SLC44A1: variants seen among roughly 807,000 people sequenced by gnomAD.
SLC44A1 encodes choline transporter-like protein 1.
Under a neutral mutation model 79.3 loss-of-function variants are expected in SLC44A1, and 26 were observed. That is an observed-to-expected ratio of 0.33 (90% CI 0.24 to 0.46). SLC44A1 has a LOEUF of 0.46. Among genes scored for constraint, SLC44A1 ranks in the 20% least tolerant of loss-of-function variants. The pLI is 1.00. For missense variants in SLC44A1, 688 were observed against 798.1 expected, an observed-to-expected ratio of 0.86 and a Z score of 1.66; for synonymous variants, 263 against 286.2, an observed-to-expected ratio of 0.92 and a Z score of 0.82.
chr9:105,392,752 G>A lies in SLC44A1; in HGVS notation c.*3696G>A. 1 of 985,284 alleles carries A rather than the reference G, an allele frequency of 1.0e-6. No individual in the cohort carries two copies. Among genetic ancestry groups the A allele is most frequent in the Non-Finnish European group, 1.2e-6 (1 of 829,878 alleles). 61.0% of individuals were successfully genotyped at this position (985,284 alleles called of 1,614,324 possible). A position where few individuals can be genotyped will look rare whatever the true frequency, so the allele number is the denominator to read the frequency against. On this transcript the variant is annotated 3_prime_UTR_variant, in exon 16 of 16. Transcript: ENST00000374720. ...TTTAAGAGATCTCCTAGCCTGCAAGGTAGAATTCTGGGATCAGTTCCAAAA... is the reference window on the plus strand; with the variant it reads ...TTTAAGAGATCTCCTAGCCTGCAAGATAGAATTCTGGGATCAGTTCCAAAA...
intron 12 of SLC44A1, among the ~76,000 whole-genome samples, chr9:105,368,614 T>G (rs1271809625): frequency 6.6e-6 from 1 of 152,346 alleles, no homozygotes. Context: ...ATCACACTTA[T>G]ATACATATAA....
chr9:105,418,086 C>A (rs559924788), intron 15 of SLC44A1, among the ~76,000 whole-genome samples: 2 of 151,976 alleles, frequency 1.3e-5, no homozygotes, highest in South Asian at 2.1e-4. Flanking sequence ...GAGGCCGAGG[C>A]GGGCGGATCA....
intron 1 of SLC44A1, among the ~76,000 whole-genome samples, chr9:105,286,631 G>A (rs1019248430): frequency 2.6e-5 from 4 of 151,804 alleles, no homozygotes; most frequent in Non-Finnish European, 5.9e-5. Flanking sequence ...CTATAATTTC[G>A]CCAACCCTCA....
At chr9:105,247,210 T>C (rs961949269) in intron 1 of SLC44A1, among the ~76,000 whole-genome samples, 2 of 152,180 alleles carry the variant, frequency 1.3e-5, no homozygotes, top group African/African-American at 4.8e-5. Flanking sequence ...AATACTGTTG[T>C]TCCTATATGT....
chr9:105,359,998 A>G (rs1454296350), intron 7 of SLC44A1, among the ~76,000 whole-genome samples: 2 of 152,024 alleles, frequency 1.3e-5, no homozygotes, highest in Non-Finnish European at 2.9e-5. Flanking sequence ...ACACACACAC[A>G]TGTCTCTACT....
chr9:105,327,291 CT>C (rs879732192), intron 3 of SLC44A1, among the ~76,000 whole-genome samples: 1 of 151,250 alleles, frequency 6.6e-6, no homozygotes, highest in Non-Finnish European at 1.5e-5. Flanking sequence ...TTTCTAACAT[CT>C]TTTTTTTTGA....
At chr9:105,404,083 G>A (rs1588871425) in intron 15 of SLC44A1, among the ~76,000 whole-genome samples, 1 of 151,882 alleles carries the variant, frequency 6.6e-6, no homozygotes, top group Non-Finnish European at 1.5e-5. Flanking sequence ...AATATACCAT[G>A]TGATTCAGAA....
At chr9:105,337,502 G>A (rs1291401506) in intron 4 of SLC44A1, among the ~76,000 whole-genome samples, 3 of 152,156 alleles carry the variant, frequency 2.0e-5, no homozygotes, top group Non-Finnish European at 2.9e-5. Flanking sequence ...GAATGTAATA[G>A]TCTTTCTGCC....
In SLC44A1 at chr9:105,395,237, T is replaced by C. The variant is rs1828852552; in HGVS notation, c.*6181T>C. On this transcript the variant is annotated 3_prime_UTR_variant, in exon 16 of 16. Transcript: ENST00000374720. ...TTTTTGTTTGTTTTTGGTGTTTTTTTGAGACGGAGTCTCGCTCTATCGCCA... is the reference window on the plus strand; with the variant it reads ...TTTTTGTTTGTTTTTGGTGTTTTTTCGAGACGGAGTCTCGCTCTATCGCCA... 1 of 959,962 alleles carries C rather than the reference T, an allele frequency of 1.0e-6. No homozygotes were observed. Among genetic ancestry groups the C allele is most frequent in the Non-Finnish European group, 1.2e-6 (1 of 806,896 alleles). The allele number at this position is 959,962 out of a possible 1,614,324, so 59.5% of individuals were successfully genotyped here.
intron 3 of SLC44A1, among the ~76,000 whole-genome samples, chr9:105,323,209 C>A (rs1826453096): frequency 7.7e-6 from 1 of 129,948 alleles, no homozygotes; most frequent in East Asian, 2.0e-4. Context: ...GAGTGAAACT[C>A]CATCTCAAAA....
Position 105,391,959 on chromosome 9 carries a change from A to G in SLC44A1, c.*2903A>G, listed in dbSNP as rs1221956464. 1 of 985,244 alleles carries G rather than the reference A, an allele frequency of 1.0e-6. No homozygotes were observed. Among genetic ancestry groups the G allele is most frequent in the Non-Finnish European group, 1.2e-6 (1 of 829,912 alleles). 61.0% of individuals were successfully genotyped at this position (985,244 alleles called of 1,614,324 possible). On this transcript the variant is annotated 3_prime_UTR_variant, in exon 16 of 16. Transcript: ENST00000374720. ...AGAGTATCGTGGTTTTTGCCATCAG[A>G]TAATTAAGGCTCTGGTGCATAATTT...
chr9:105,354,916 G>A (rs1377591763), intron 5 of SLC44A1, among the ~76,000 whole-genome samples: 1 of 152,204 alleles, frequency 6.6e-6, no homozygotes, highest in African/African-American at 2.4e-5. Flanking sequence ...AAACCTTGTA[G>A]TGCCCAACCA....
At position 105,244,865 on chromosome 9, in the gene SLC44A1, C is replaced by T; in HGVS notation, c.-4C>T. ...CGCCGCCTCCGGGCTCCTTCGGCCC[C>T]GCCATGGGCTGCTGCAGCTCCGCCT... On this transcript the variant is annotated 5_prime_UTR_variant, in exon 1 of 16. Coordinates refer to ENST00000374720, the MANE Select transcript of SLC44A1 (RefSeq NM_080546.5). 8.7e-7 allele frequency: 1 copy of T among 1,151,202 alleles called. No homozygotes were observed. The allele number at this position is 1,151,202 out of a possible 1,614,324, so 71.3% of individuals were successfully genotyped here. A position where few individuals can be genotyped will look rare whatever the true frequency, so the allele number is the denominator to read the frequency against.
intron 2 of SLC44A1, among the ~76,000 whole-genome samples, chr9:105,300,779 T>A (rs1025288734): frequency 5.1e-4 from 48 of 93,966 alleles, no homozygotes; most frequent in South Asian, 1.1e-3. Flanking sequence ...AGAAAAAAAA[T>A]TTTTTTTTTT....
chr9:105,390,060 C>T lies in SLC44A1; in HGVS notation c.*1004C>T, dbSNP rs1229966750. On this transcript the variant is annotated 3_prime_UTR_variant, in exon 16 of 16. Transcript: ENST00000374720. ...GCTTGCTATACAATCTGAAAACACACTGGCAGGTGCTCCTCTCCTTGGCAA... is the reference window on the plus strand; with the variant it reads ...GCTTGCTATACAATCTGAAAACACATTGGCAGGTGCTCCTCTCCTTGGCAA... 2 of 1,280,826 alleles carry T rather than the reference C, an allele frequency of 1.6e-6. No individual in the cohort carries two copies. The highest frequency in any genetic ancestry group is 2.0e-6 in the Non-Finnish European group (2 of 1,007,224). 79.3% of individuals were successfully genotyped at this position (1,280,826 alleles called of 1,614,324 possible). A position where few individuals can be genotyped will look rare whatever the true frequency, so the allele number is the denominator to read the frequency against.
downstream of SLC44A1, among the ~76,000 whole-genome samples, chr9:105,399,461 A>G: frequency 6.6e-6 from 1 of 152,188 alleles, no homozygotes; most frequent in East Asian, 1.9e-4. Context: ...GGATTCTCAC[A>G]GCTTACAACA....
At chr9:105,335,521 G>A in intron 3 of SLC44A1, 42 bp from the exon 4 acceptor site, 3 of 1,553,256 alleles carry the variant, frequency 1.9e-6, no homozygotes, top group Non-Finnish European at 1.8e-6. Context: ...CCCACAATGT[G>A]TTTTGTGAAG....
At chr9:105,365,898 T>G (rs964028269) in intron 11 of SLC44A1, among the ~76,000 whole-genome samples, 2 of 152,190 alleles carry the variant, frequency 1.3e-5, no homozygotes, top group African/African-American at 2.4e-5. Flanking sequence ...TCCTTAGAAC[T>G]TCTTCCCTTC....
At chr9:105,319,868 G>A (rs372073224) in intron 3 of SLC44A1, among the ~76,000 whole-genome samples, 2 of 152,096 alleles carry the variant, frequency 1.3e-5, no homozygotes, top group African/African-American at 4.8e-5. Context: ...CATTGTTATA[G>A]TTTTGTTGAG....
Sources: allele counts gnomAD v4.1 joint callset (sites outside exome capture counted in the v4.1 genomes callset), GRCh38; gene constraint gnomAD v4.1.1; transcripts MANE v1.5; gene names NCBI Gene and HGNC (gene_info 2026-07-23, HGNC 2026-07-21).